GUCY2C: variants seen among roughly 807,000 people sequenced by gnomAD.
The protein encoded by GUCY2C is guanylyl cyclase C.
Under a neutral mutation model 131.1 loss-of-function variants are expected in GUCY2C, and 118 were observed. The ratio of observed to expected loss-of-function variants is 0.90; its 90% confidence interval spans 0.78 to 1.05. The LOEUF is 1.05. Ranked by LOEUF, GUCY2C falls within the 50% of genes least tolerant of loss-of-function variation. GUCY2C has a pLI of 0.00. For missense variants in GUCY2C, 1,161 were observed against 1,304.4 expected (o/e 0.89, Z 1.69); for synonymous variants, 452 against 457.8 (o/e 0.99, Z 0.16).
intron 20 of GUCY2C, among the ~76,000 whole-genome samples, chr12:14,626,707 A>G (rs1268104747): frequency 6.6e-6 from 1 of 152,226 alleles, no homozygotes; most frequent in Non-Finnish European, 1.5e-5. Context: ...ACAAATTAGT[A>G]TAGTTGAATA....
At chr12:14,621,634 C>A (rs1314750576) in intron 22 of GUCY2C, among the ~76,000 whole-genome samples, 2 of 152,088 alleles carry the variant, frequency 1.3e-5, no homozygotes, top group Admixed American at 6.5e-5. Flanking sequence ...TGTATACATT[C>A]TTGTAGTATG....
At chr12:14,665,993 G>A (rs1036047009) in intron 10 of GUCY2C, 6 of 152,236 alleles carry the variant, frequency 3.9e-5, no homozygotes, top group African/African-American at 9.7e-5. Context: ...GGAAAGAAGA[G>A]AACAGCTCAC....
chr12:14,622,388 T>C (rs1168379589), intron 21 of GUCY2C, among the ~76,000 whole-genome samples, 191 bp from the exon 22 acceptor site: 1 of 152,216 alleles, frequency 6.6e-6, no homozygotes, highest in Non-Finnish European at 1.5e-5. Context: ...ACACATATAA[T>C]GCATGTTGTG....
At chr12:14,654,829 C>A (rs1947731122) in intron 12 of GUCY2C, among the ~76,000 whole-genome samples, 1 of 152,020 alleles carries the variant, frequency 6.6e-6, no homozygotes, top group African/African-American at 2.4e-5. Context: ...TTCTGAAAGT[C>A]CCCTCTCCTC....
chr12:14,687,816 G>A (rs1327137000), intron 2 of GUCY2C, 135 bp downstream of exon 2: 1 of 620,464 alleles, frequency 1.6e-6, no homozygotes, highest in Non-Finnish European at 2.9e-6. Flanking sequence ...TCTCCTGCCT[G>A]GTACTCGGCC....
chr12:14,671,935 C>G (rs1343830258), intron 9 of GUCY2C, among the ~76,000 whole-genome samples: 3 of 152,200 alleles, frequency 2.0e-5, no homozygotes, highest in East Asian at 1.9e-4. Context: ...TGGAATGCTG[C>G]TAGCAAATTT....
intron 22 of GUCY2C, among the ~76,000 whole-genome samples, chr12:14,621,538 G>A (rs1946897028): frequency 6.6e-6 from 1 of 152,004 alleles, no homozygotes; most frequent in Non-Finnish European, 1.5e-5. Context: ...TGTAATTTGA[G>A]GAACACCCTT....
At chr12:14,694,664 G>A (rs79442279) in intron 1 of GUCY2C, among the ~76,000 whole-genome samples, 9,910 of 152,204 alleles carry the variant, frequency 0.065, 614 homozygotes, top group Admixed American at 0.2. Context: ...GATCAAATCC[G>A]TTCACTTATG....
chr12:14,694,419 A>G (rs769824677), intron 1 of GUCY2C, among the ~76,000 whole-genome samples: 24 of 152,198 alleles, frequency 1.6e-4, no homozygotes, highest in Non-Finnish European at 3.2e-4. Context: ...TGGTGATTAA[A>G]GAGGTGATGT....
rs1396330947 is a variant in GUCY2C, at chr12:14,696,225, T to G, written c.217+7A>C. ...AGTGGAGGAAGATTCTATTAACATT[T>G]TCTTACCAGCATTTTGCAGACGTCC... On this transcript the variant is annotated splice_region_variant and intron_variant, in intron 1 of 26. Transcript: ENST00000261170. The G allele has an allele frequency of 6.2e-7, 1 of 1,608,536 alleles. No individual in the cohort carries two copies. Among genetic ancestry groups the G allele is most frequent in the Admixed American group, 1.7e-5 (1 of 60,026 alleles).
intron 11 of GUCY2C, among the ~76,000 whole-genome samples, chr12:14,656,849 A>G (rs74356384): frequency 0.014 from 2,200 of 152,314 alleles, 27 homozygotes; most frequent in Non-Finnish European, 0.019. Flanking sequence ...TTTTGACACC[A>G]CGGACTGGTT....
intron 19 of GUCY2C, among the ~76,000 whole-genome samples, chr12:14,633,760 T>C (rs2137004982): frequency 6.6e-6 from 1 of 151,742 alleles, no homozygotes; most frequent in South Asian, 2.1e-4. Context: ...AGTCATTCAA[T>C]AAAACACAAG....
chr12:14,670,618 T>A (rs1056533711), intron 9 of GUCY2C, among the ~76,000 whole-genome samples: 3 of 152,042 alleles, frequency 2.0e-5, no homozygotes, highest in Admixed American at 2.0e-4. Context: ...AATTGAATCA[T>A]GGGACCGGTC....
rs1376081356 is a variant in GUCY2C at position 14,622,057 on chromosome 12, T to C, written c.2549A>G (p.Asn850Ser). 6.2e-7 allele frequency: 1 copy of C among 1,610,788 alleles called. No individual in the cohort carries two copies. Among genetic ancestry groups the C allele is most frequent in the Non-Finnish European group, 8.5e-7 (1 of 1,178,872 alleles). The change falls in exon 22 of 27, where the codon AAT (asparagine) becomes AGT (serine). Residue 850 changes from asparagine (N) to serine (S), a missense_variant. Coordinates refer to ENST00000261170, the MANE Select transcript of GUCY2C (RefSeq NM_004963.4). ...STPMEVVDML[N>S]DIYKSFDHIV... ...GTGGTCAAAACTCTTATAGATGTCA[T>C]TAAGCATGTCCACCACTTCCATGGG...
At chr12:14,678,542 T>C (rs912353028) in intron 6 of GUCY2C, among the ~76,000 whole-genome samples, 11 of 152,228 alleles carry the variant, frequency 7.2e-5, no homozygotes, top group Non-Finnish European at 1.3e-4. Context: ...CCTGTACTTC[T>C]GTAGTTTAGA....
chr12:14,649,787 C>T (rs1397337560), intron 15 of GUCY2C, among the ~76,000 whole-genome samples: 1 of 152,006 alleles, frequency 6.6e-6, no homozygotes, highest in African/African-American at 2.4e-5. Flanking sequence ...AGGTCTAGAC[C>T]TCATTTAATT....
intron 7 of GUCY2C, among the ~76,000 whole-genome samples, chr12:14,675,224 A>AAG (rs1555165056): frequency 5.7e-4 from 82 of 144,832 alleles, no homozygotes; most frequent in African/African-American, 1.9e-3. Flanking sequence ...AAAAAAAAAA[A>AAG]AAAAAGAAAA....
intron 11 of GUCY2C, among the ~76,000 whole-genome samples, chr12:14,657,533 G>A (rs1385772320): frequency 6.6e-6 from 1 of 152,100 alleles, no homozygotes; most frequent in African/African-American, 2.4e-5. Context: ...GTACTGGTCC[G>A]TAGCCTGTTA....
At chr12:14,681,292 T>C in intron 5 of GUCY2C, 64 bp downstream of exon 5, 6 of 1,429,300 alleles carry the variant, frequency 4.2e-6, no homozygotes, top group Non-Finnish European at 5.9e-6. Flanking sequence ...TGAAATGACT[T>C]ATAAGGAGGT....
Sources: allele counts gnomAD v4.1 joint callset (sites outside exome capture counted in the v4.1 genomes callset), GRCh38; gene constraint gnomAD v4.1.1; transcripts MANE v1.5; gene names NCBI Gene and HGNC (gene_info 2026-07-23, HGNC 2026-07-21).